Variants in VPS18 observed in about 807,000 individuals in gnomAD.
VPS18 encodes the protein VPS18 core subunit of CORVET and HOPS complexes.
Under a neutral mutation model 82.0 loss-of-function variants are expected in VPS18, and 25 were observed. That is an observed-to-expected ratio of 0.30 (90% CI 0.22 to 0.43). VPS18 has a LOEUF of 0.43. Ranked by LOEUF, VPS18 falls within the 20% of genes least tolerant of loss-of-function variation. The pLI is 1.00. For missense variants in VPS18, 1,168 were observed against 1,311.1 expected (o/e 0.89, Z 1.69); for synonymous variants, 523 against 543.0 (o/e 0.96, Z 0.51).
In VPS18 at chr15:40,900,876, T is replaced by A; in HGVS notation, c.2058T>A (p.Ala686=). Residue 686 remains alanine (A), a synonymous_variant, in exon 4 of 5, where the codon GCT becomes GCA. Coordinates refer to ENST00000220509, the MANE Select transcript of VPS18 (RefSeq NM_020857.3). The surrounding 1 kb of genome is among the most constrained non-coding windows in gnomAD (Gnocchi z 5.4). The stretch of plus-strand genomic sequence containing the variant: ...CACTACTGGCCTATCTGGAGCAGGC[T>A]GGGGCCAGCCCCCACCGGGTGCATT... ...PDSLLAYLEQ[A]GASPHRVHYD... is the part of the protein sequence containing the mutation. The A allele has an allele frequency of 6.2e-7, 1 of 1,614,088 alleles. No homozygotes were observed.
At position 40,902,910 on chromosome 15, in the gene VPS18, C is replaced by G; in HGVS notation, c.2491C>G (p.Gln831Glu). 1.2e-6 allele frequency: 2 copies of G among 1,614,252 alleles called. No homozygotes were observed. Among genetic ancestry groups the G allele is most frequent in the Non-Finnish European group, 1.7e-6 (2 of 1,180,056 alleles). The change falls in exon 5 of 5, where the codon CAG (glutamine) becomes GAG (glutamate). Residue 831 changes from glutamine to glutamate, a missense_variant. Physicochemically the swap from Gln to Glu is conservative, Grantham distance 29 (BLOSUM62 2). Transcript: ENST00000220509. This position sits in a 1 kb window ranked among gnomAD's most constrained non-coding sequence, Gnocchi z 4.2. ...GATGGAAGAGGCTACAGCCAGTGCCCAGCGCATCCGGCGAGACCTGCAGGA... is the reference window on the plus strand; with the variant it reads ...GATGGAAGAGGCTACAGCCAGTGCCGAGCGCATCCGGCGAGACCTGCAGGA... ...REMEEATASA[Q>E]RIRRDLQELR...
rs1892329457 is a variant in VPS18 at position 40,900,358 on chromosome 15, ACT to A, written c.1545_1546del (p.Tyr516ProfsTer29). 1 of 1,613,146 alleles carries A rather than the reference ACT, an allele frequency of 6.2e-7. No homozygotes were observed. The highest frequency in any genetic ancestry group is 8.5e-7 in the Non-Finnish European group (1 of 1,179,866). On this transcript the variant is annotated frameshift_variant, in exon 4 of 5. Coordinates refer to ENST00000220509, the MANE Select transcript of VPS18 (RefSeq NM_020857.3). LOFTEE classifies it high-confidence loss of function. This position sits in a 1 kb window ranked among gnomAD's most constrained non-coding sequence, Gnocchi z 5.4. ...TCTGCAGGGCGACCCAGAGGCCCTG[ACT>A]CTCTACCGAGAAACCAAGGAATGCT... ...GALQGDPEALTLYRETKECFR... is the reference protein window; with the variant it reads ...GALQGDPEALXLYRETKECFR...
rs770920167 is a variant in VPS18, at chr15:40,900,802, G to A, written c.1984G>A (p.Ala662Thr). ...GAACGTGCTGGGGGAGACTGAGCAGGCCATCCACAACTACCTGCTGTCACT... is the reference window on the plus strand; with the variant it reads ...GAACGTGCTGGGGGAGACTGAGCAGACCATCCACAACTACCTGCTGTCACT... ...CVNVLGETEQ[A>T]IHNYLLSLYA... Residue 662 changes from alanine (A) to threonine (T), a missense_variant, in exon 4 of 5, where the codon GCC (alanine) becomes ACC (threonine). By Grantham distance (58) the Ala-to-Thr change is moderately conservative (BLOSUM62 0). This residue lies in a region of VPS18 where 868 missense variants were observed against 939.8 expected (regional missense o/e 0.92). Coordinates refer to ENST00000220509, the MANE Select transcript of VPS18 (RefSeq NM_020857.3). The surrounding 1 kb of genome is among the most constrained non-coding windows in gnomAD (Gnocchi z 5.4). 3.1e-6 allele frequency: 5 copies of A among 1,614,050 alleles called. No homozygotes were observed. The highest frequency in any genetic ancestry group is 3.3e-5 in the Admixed American group (2 of 60,008).
chr15:40,902,840 C>G lies in VPS18; in HGVS notation c.2421C>G (p.Ser807Arg), dbSNP rs143467160. 1 of 1,614,260 alleles carries G rather than the reference C, an allele frequency of 6.2e-7. No individual in the cohort carries two copies. The highest frequency in any genetic ancestry group is 1.7e-5 in the Admixed American group (1 of 60,028). The stretch of plus-strand genomic sequence containing the variant: ...ACCACTTCAAGGAGGCGATCTGCAG[C>G]TCACTTAAGGCCTACAACCACCACA... ...TIDHFKEAIC[S>R]SLKAYNHHIQ... The change falls in exon 5 of 5, where the codon AGC becomes AGG. Residue 807 changes from serine (S) to arginine (R), a missense_variant. Around this residue, in one of 3 missense-constraint regions of VPS18, gnomAD observed 296 missense variants for 354.0 expected, o/e 0.84. Coordinates refer to ENST00000220509, the MANE Select transcript of VPS18 (RefSeq NM_020857.3). This position sits in a 1 kb window ranked among gnomAD's most constrained non-coding sequence, Gnocchi z 4.2.
In VPS18 at chr15:40,894,733, C is replaced by T. The variant is rs765480099; in HGVS notation, c.-36C>T. ...CGGGGGGGTAGCCCTTTTGTAATCC[C>T]CAGGCCCCGGACAAAGAGCCCAGAG... On this transcript the variant is annotated 5_prime_UTR_variant, in exon 1 of 5. Coordinates refer to ENST00000220509, the MANE Select transcript of VPS18 (RefSeq NM_020857.3). 3 of 1,532,628 alleles carry T rather than the reference C, an allele frequency of 2.0e-6. No homozygotes were observed. Among genetic ancestry groups the T allele is most frequent in the South Asian group, 1.2e-5 (1 of 82,588 alleles). 94.9% of individuals were successfully genotyped at this position (1,532,628 alleles called of 1,614,324 possible).
Position 40,902,977 on chromosome 15 carries a change from G to T in VPS18, c.2558G>T (p.Cys853Phe). The T allele has an allele frequency of 6.2e-7, 1 of 1,614,262 alleles. No homozygotes were observed. The highest frequency in any genetic ancestry group is 8.5e-7 in the Non-Finnish European group (1 of 1,180,050). Reference protein sequence around the residue: ...RYGTVEPQDKCATCDFPLLNR... With the variant: ...RYGTVEPQDKFATCDFPLLNR... Reference sequence around the variant, plus strand: ...GGCACTGTGGAGCCCCAGGACAAATGTGCCACCTGCGACTTCCCCCTGCTC... The same window carrying T: ...GGCACTGTGGAGCCCCAGGACAAATTTGCCACCTGCGACTTCCCCCTGCTC... The change falls in exon 5 of 5, where the codon TGT (cysteine) becomes TTT (phenylalanine). Residue 853 changes from cysteine to phenylalanine, a missense_variant. This residue lies in a region of VPS18 where 296 missense variants were observed against 354.0 expected (regional missense o/e 0.84). Transcript: ENST00000220509. The surrounding 1 kb of genome is among the most constrained non-coding windows in gnomAD (Gnocchi z 4.2).
Position 40,903,420 on chromosome 15 carries a change from C to G in VPS18, c.*79C>G. ...ACTTGAGAAGGCTGCCTCCTAGGCT[C>G]TGCTCAGTCATCTTGCAATTGCCAC... On this transcript the variant is annotated 3_prime_UTR_variant, in exon 5 of 5. Coordinates refer to ENST00000220509, the MANE Select transcript of VPS18 (RefSeq NM_020857.3). 6.7e-7 allele frequency: 1 copy of G among 1,495,266 alleles called. No homozygotes were observed. 92.6% of individuals were successfully genotyped at this position (1,495,266 alleles called of 1,614,324 possible). A position where few individuals can be genotyped will look rare whatever the true frequency, so the allele number is the denominator to read the frequency against.
At chr15:40,894,982 C>T (rs1892204115) in intron 1 of VPS18, 123 bp downstream of exon 1, 1 of 946,522 alleles carries the variant, frequency 1.1e-6, no homozygotes, top group African/African-American at 1.7e-5. Flanking sequence ...GGTCTAGGCC[C>T]CTGATTCTCC....
rs766292526 is a variant in VPS18 at position 40,899,492 on chromosome 15, G to A, written c.674G>A (p.Arg225Gln). ...CGTAGCTTTGTTATTGCCACCACTC[G>A]GCAGCGCCTCTTCCAGTTCATAGGC... ...DGRSFVIATTRQRLFQFIGRA... is the reference protein window; with the variant it reads ...DGRSFVIATTQQRLFQFIGRA... The change falls in exon 4 of 5, where the codon CGG becomes CAG. Residue 225 changes from arginine to glutamine, a missense_variant. Physicochemically the swap from Arg to Gln is conservative, Grantham distance 43. Around this residue, in one of 3 missense-constraint regions of VPS18, gnomAD observed 868 missense variants for 939.8 expected, o/e 0.92. Coordinates refer to ENST00000220509, the MANE Select transcript of VPS18 (RefSeq NM_020857.3). This position sits in a 1 kb window ranked among gnomAD's most constrained non-coding sequence, Gnocchi z 4.4. The A allele has an allele frequency of 1.1e-5, 17 of 1,611,486 alleles. No homozygotes were observed. Among genetic ancestry groups the A allele is most frequent in the Non-Finnish European group, 1.4e-5 (17 of 1,179,412 alleles).
Position 40,899,771 on chromosome 15 carries a change from T to C in VPS18, c.953T>C (p.Val318Ala). ...EERVWEYPEGVGPGASPPLAI... is the reference protein window; with the variant it reads ...EERVWEYPEGAGPGASPPLAI... ...CGAGTCTGGGAGTACCCAGAGGGGG[T>C]AGGGCCTGGGGCCAGCCCACCCCTA... is the stretch of plus-strand genomic sequence containing the variant. Residue 318 changes from valine to alanine, a missense_variant, in exon 4 of 5, where the codon GTA (valine) becomes GCA (alanine). Coordinates refer to ENST00000220509, the MANE Select transcript of VPS18 (RefSeq NM_020857.3). The surrounding 1 kb of genome is among the most constrained non-coding windows in gnomAD (Gnocchi z 4.4). 6.2e-7 allele frequency: 1 copy of C among 1,613,010 alleles called. No homozygotes were observed. Among genetic ancestry groups the C allele is most frequent in the African/African-American group, 1.3e-5 (1 of 75,044 alleles).
At chr15:40,896,414 G>A (rs1168090941) in intron 2 of VPS18, among the ~76,000 whole-genome samples, 2 of 152,026 alleles carry the variant, frequency 1.3e-5, no homozygotes, top group East Asian at 1.9e-4. Context: ...GTGTGATGGT[G>A]CAGTCCCAAC....
At chr15:40,901,881 G>A (rs555957302) in intron 4 of VPS18, among the ~76,000 whole-genome samples, 5 of 152,232 alleles carry the variant, frequency 3.3e-5, no homozygotes, top group South Asian at 2.1e-4. Flanking sequence ...ACTCCAGCCC[G>A]GGCAACAGAG....
chr15:40,896,225 C>G, intron 2 of VPS18, 146 bp downstream of exon 2: 1 of 1,210,978 alleles, frequency 8.3e-7, no homozygotes, highest in Non-Finnish European at 1.1e-6. Flanking sequence ...CCAAAGAGAA[C>G]CAATACAGGG....
chr15:40,903,680 CGA>C lies in VPS18; in HGVS notation c.*357_*358del, dbSNP rs59742241. 1,981 of 196,618 alleles carry C rather than the reference CGA, an allele frequency of 0.01. No homozygotes were observed. The highest frequency in any genetic ancestry group is 0.014 in the Non-Finnish European group (1,389 of 98,362). 12.2% of individuals were successfully genotyped at this position (196,618 alleles called of 1,614,324 possible). The stretch of plus-strand genomic sequence containing the variant: ...TTCCCCACACACGTCCTGTTCACCT[CGA>C]GAGAGAGAGAGAGAGAGCACCTTTC... On this transcript the variant is annotated 3_prime_UTR_variant, in exon 5 of 5. Coordinates refer to ENST00000220509, the MANE Select transcript of VPS18 (RefSeq NM_020857.3).
In VPS18 at chr15:40,903,129, G is replaced by A. The variant is rs376319388; in HGVS notation, c.2710G>A (p.Ala904Thr). 2 of 1,610,078 alleles carry A rather than the reference G, an allele frequency of 1.2e-6. No individual in the cohort carries two copies. Among genetic ancestry groups the A allele is most frequent in the East Asian group, 2.2e-5 (1 of 44,778 alleles). ...GGAGGAGCTGCAGAGGAAGCTGGGG[G>A]CTGCTCCACCCCCAGCCAAGGGCTC... ...RLEELQRKLG[A>T]APPPAKGSAR... Residue 904 changes from alanine (A) to threonine (T), a missense_variant, in exon 5 of 5, where the codon GCT (alanine) becomes ACT (threonine). Coordinates refer to ENST00000220509, the MANE Select transcript of VPS18 (RefSeq NM_020857.3).
Position 40,903,438 on chromosome 15 carries a change from A to G in VPS18, c.*97A>G, listed in dbSNP as rs145352103. The G allele has an allele frequency of 7.5e-4, 1,097 of 1,471,412 alleles. 6 individuals are homozygous for G. The highest frequency in any genetic ancestry group is 6.3e-3 in the African/African-American group (448 of 70,988). The allele number at this position is 1,471,412 out of a possible 1,614,324, so 91.1% of individuals were successfully genotyped here. On this transcript the variant is annotated 3_prime_UTR_variant, in exon 5 of 5. Coordinates refer to ENST00000220509, the MANE Select transcript of VPS18 (RefSeq NM_020857.3). ...CTAGGCTCTGCTCAGTCATCTTGCA[A>G]TTGCCACACTGTGACCACGTTGACG...
intron 4 of VPS18, among the ~76,000 whole-genome samples, chr15:40,901,544 G>A (rs904976307): frequency 3.4e-5 from 5 of 148,790 alleles, no homozygotes; most frequent in African/African-American, 7.5e-5. Context: ...CTGAGATCAC[G>A]CCATTGTACT....
Position 40,896,063 on chromosome 15 carries a change from A to G in VPS18, c.217A>G (p.Lys73Glu), listed in dbSNP as rs1395000062. The change falls in exon 2 of 5, where the codon AAG (lysine) becomes GAG (glutamate). Residue 73 changes from lysine to glutamate, a missense_variant. Lys to Glu is a moderately conservative substitution (Grantham distance 56). This residue lies in a region of VPS18 where 868 missense variants were observed against 939.8 expected (regional missense o/e 0.92). Transcript: ENST00000220509. ...SSNQLCMSLG[K>E]DTLLRIDLGK... ...CAATCAGCTGTGCATGAGCCTGGGC[A>G]AGGATACACTGCTCCGGTAATCAAG... 6.2e-7 allele frequency: 1 copy of G among 1,614,228 alleles called. No individual in the cohort carries two copies. Among genetic ancestry groups the G allele is most frequent in the Non-Finnish European group, 8.5e-7 (1 of 1,180,044 alleles).
chr15:40,900,875 C>A lies in VPS18; in HGVS notation c.2057C>A (p.Ala686Asp), dbSNP rs1313227678. Residue 686 changes from alanine to aspartate, a missense_variant, in exon 4 of 5, where the codon GCT becomes GAT. Physicochemically the swap from Ala to Asp is moderately radical, Grantham distance 126 (BLOSUM62 -2). Transcript: ENST00000220509. The surrounding 1 kb of genome is among the most constrained non-coding windows in gnomAD (Gnocchi z 5.4). ...TCACTACTGGCCTATCTGGAGCAGG[C>A]TGGGGCCAGCCCCCACCGGGTGCAT... ...PDSLLAYLEQ[A>D]GASPHRVHYD... 1.1e-5 allele frequency: 18 copies of A among 1,613,990 alleles called. No individual in the cohort carries two copies. The highest frequency in any genetic ancestry group is 1.4e-5 in the Non-Finnish European group (17 of 1,180,054).
Sources: gnomAD v4.1 joint callset for allele counts (sites outside exome capture counted in the v4.1 genomes callset) on GRCh38, gnomAD v4.1.1 for gene constraint, gnomAD v4.1.1 regional missense constraint, Gnocchi (gnomAD v3.1) non-coding constraint, MANE v1.5 for transcripts, NCBI Gene and HGNC (gene_info 2026-07-23, HGNC 2026-07-21) for gene names.